The following KCTD16 variants were observed in gnomAD, a reference collection of about 807,000 sequenced individuals.
KCTD16 encodes the protein BTB/POZ domain-containing protein KCTD16.
A neutral mutation model predicts 33.2 loss-of-function variants in KCTD16; 13 were observed. The ratio of observed to expected loss-of-function variants is 0.39; its 90% CI spans 0.25 to 0.62. KCTD16 has a LOEUF of 0.62. KCTD16 is among the 20% of genes least tolerant of loss of function. KCTD16 has a pLI of 0.50. For synonymous variants in KCTD16, 197 were observed against 195.3 expected, an observed-to-expected ratio of 1.01 and a Z score of -0.07; for missense variants, 441 against 525.1, an observed-to-expected ratio of 0.84 and a Z score of 1.57.
At chr5:144,457,018 T>A (rs1230076989) in intron 3 of KCTD16, among the ~76,000 whole-genome samples, 2 of 152,234 alleles carry the variant, frequency 1.3e-5, no homozygotes, top group East Asian at 3.8e-4. Context: ...AAGCTTCAAG[T>A]GAGGTAGCTG....
At chr5:144,311,217 G>A (rs1041735646) in intron 3 of KCTD16, among the ~76,000 whole-genome samples, 7 of 151,958 alleles carry the variant, frequency 4.6e-5, no homozygotes, top group Non-Finnish European at 7.4e-5. Context: ...AAACTAACAG[G>A]GCACATGTAT....
chr5:144,351,987 C>T (rs1036988492), intron 3 of KCTD16, among the ~76,000 whole-genome samples: 2 of 152,060 alleles, frequency 1.3e-5, no homozygotes, highest in African/African-American at 4.8e-5. Context: ...CTGTTAATCA[C>T]AACATATTGT....
At chr5:144,315,533 G>T in intron 3 of KCTD16, among the ~76,000 whole-genome samples, 1 of 152,072 alleles carries the variant, frequency 6.6e-6, no homozygotes, top group East Asian at 1.9e-4. Flanking sequence ...CAAATATAAT[G>T]ATGATTATAA....
intron 3 of KCTD16, among the ~76,000 whole-genome samples, chr5:144,342,122 G>C (rs1752663736): frequency 6.6e-6 from 1 of 152,034 alleles, no homozygotes; most frequent in Admixed American, 6.5e-5. Flanking sequence ...AAAGTCATTG[G>C]TAGCTTGATG....
At chr5:144,368,589 G>A (rs1185044209) in intron 3 of KCTD16, among the ~76,000 whole-genome samples, 2 of 152,118 alleles carry the variant, frequency 1.3e-5, no homozygotes, top group South Asian at 2.1e-4. Flanking sequence ...AGATAAAAAA[G>A]CCCAGCCCAG....
At chr5:144,256,150 C>G (rs956059149) in intron 3 of KCTD16, among the ~76,000 whole-genome samples, 2 of 152,188 alleles carry the variant, frequency 1.3e-5, no homozygotes, top group Non-Finnish European at 2.9e-5. Context: ...GATCTACATA[C>G]CTTCTTTCTT....
intron 3 of KCTD16, among the ~76,000 whole-genome samples, chr5:144,397,982 T>C (rs992290425): frequency 1.3e-5 from 2 of 152,208 alleles, no homozygotes; most frequent in African/African-American, 4.8e-5. Flanking sequence ...TCAGGTGAAG[T>C]CTTCAATCCC....
At chr5:144,358,999 C>T (rs1300306881) in intron 3 of KCTD16, among the ~76,000 whole-genome samples, 1 of 152,162 alleles carries the variant, frequency 6.6e-6, no homozygotes, top group Non-Finnish European at 1.5e-5. Context: ...TCTGCAGACC[C>T]ACATTTGGGA....
chr5:144,200,292 C>A (rs769452857), intron 2 of KCTD16, among the ~76,000 whole-genome samples: 3 of 152,030 alleles, frequency 2.0e-5, no homozygotes, highest in Non-Finnish European at 2.9e-5. Flanking sequence ...CAGTGGAAAT[C>A]AGGAGTATTT....
At chr5:144,178,563 T>G (rs1752552010) in intron 2 of KCTD16, among the ~76,000 whole-genome samples, 1 of 152,216 alleles carries the variant, frequency 6.6e-6, no homozygotes, top group Non-Finnish European at 1.5e-5. Context: ...ATGTTTTTTA[T>G]TATTCTTCTG....
intron 3 of KCTD16, among the ~76,000 whole-genome samples, chr5:144,375,796 C>T (rs2398740): frequency 1.4e-4 from 22 of 152,218 alleles, no homozygotes; most frequent in South Asian, 2.1e-4. Context: ...TCCTTCCCTT[C>T]CTTCCCTGCC....
chr5:144,415,145 A>C (rs570251137), intron 3 of KCTD16, among the ~76,000 whole-genome samples: 5 of 152,262 alleles, frequency 3.3e-5, no homozygotes, highest in African/African-American at 1.2e-4. Flanking sequence ...AGGGTGAGAG[A>C]GCGGAAACAA....
chr5:144,307,519 A>T (rs1417984655), intron 3 of KCTD16, among the ~76,000 whole-genome samples: 1 of 152,100 alleles, frequency 6.6e-6, no homozygotes, highest in Non-Finnish European at 1.5e-5. Context: ...AACATACATT[A>T]TTTCATTTAG....
intron 3 of KCTD16, among the ~76,000 whole-genome samples, chr5:144,456,676 A>T (rs146816815): frequency 6.6e-6 from 1 of 151,808 alleles, no homozygotes; most frequent in East Asian, 1.9e-4. Flanking sequence ...TGTATTTTTG[A>T]CTGATAAATT....
At chr5:144,471,769 A>G (rs902766786) in intron 3 of KCTD16, among the ~76,000 whole-genome samples, 15 of 152,230 alleles carry the variant, frequency 9.9e-5, no homozygotes, top group Non-Finnish European at 2.1e-4. Flanking sequence ...AGAACAATAC[A>G]GCTGTTGTGA....
At chr5:144,348,588 GT>G (rs556733681) in intron 3 of KCTD16, among the ~76,000 whole-genome samples, 71 of 152,244 alleles carry the variant, frequency 4.7e-4, no homozygotes, top group African/African-American at 1.7e-3. Context: ...TCTTTTCCCT[GT>G]TTGAGAAGCC....
chr5:144,283,552 T>G (rs544432782), intron 3 of KCTD16, among the ~76,000 whole-genome samples: 1 of 152,348 alleles, frequency 6.6e-6, no homozygotes, highest in East Asian at 1.9e-4. Flanking sequence ...CTGAAGTCCC[T>G]ATATTATGTA....
intron 3 of KCTD16, among the ~76,000 whole-genome samples, chr5:144,223,268 C>T (rs561847488): frequency 5.4e-4 from 82 of 151,838 alleles, no homozygotes; most frequent in African/African-American, 1.8e-3. Context: ...ATTGTGCACA[C>T]GTACCCTAGA....
At chr5:144,345,569 A>G (rs999079563) in intron 3 of KCTD16, among the ~76,000 whole-genome samples, 1 of 152,166 alleles carries the variant, frequency 6.6e-6, no homozygotes, top group Non-Finnish European at 1.5e-5. Context: ...CACTCAGAAG[A>G]TATTTACCGA....
Sources: gnomAD v4.1 joint callset for allele counts (sites outside exome capture counted in the v4.1 genomes callset) on GRCh38, gnomAD v4.1.1 for gene constraint, MANE v1.5 for transcripts, NCBI Gene and HGNC (gene_info 2026-07-23, HGNC 2026-07-21) for gene names.